RASGRP3: variants seen among roughly 807,000 people sequenced by gnomAD.
RASGRP3 encodes RAS guanyl releasing protein 3.
Under a neutral mutation model 82.7 loss-of-function variants are expected in RASGRP3, and 54 were observed. The observed-to-expected ratio is 0.65, with a 90% confidence interval of 0.52 to 0.82. The LOEUF (loss-of-function observed/expected upper bound fraction) is 0.82, where lower values mean the gene tolerates loss of function less well. Among genes scored for constraint, RASGRP3 ranks in the 40% least tolerant of loss-of-function variants. The pLI, the probability that RASGRP3 is intolerant of heterozygous loss-of-function variation, is 0.00. For synonymous variants in RASGRP3, 309 were observed against 300.5 expected, an observed-to-expected ratio of 1.03 and a Z score of -0.29; for missense variants, 861 against 828.9, an observed-to-expected ratio of 1.04 and a Z score of -0.48.
rs543012503 is a variant in RASGRP3 at position 33,527,589 on chromosome 2, AC to A, written c.1083+179del. On this transcript the variant is annotated intron_variant, in intron 10 of 17. Transcript: ENST00000403687. ...GGAGCCCTGATTAATATTTTCCATA[AC>A]CAGCAAATCTTGGGGCAAAGAAATC... is the stretch of plus-strand genomic sequence containing the variant. Among the ~76,000 whole-genome samples, 139 of 152,326 alleles carry A rather than the reference AC, an allele frequency of 9.1e-4. 1 individual carries two copies. The highest frequency in any genetic ancestry group is 3.1e-3 in the African/African-American group (129 of 41,572).
At chr2:33,458,774 A>G (rs1558401862) in intron 2 of RASGRP3, among the ~76,000 whole-genome samples, 1 of 152,142 alleles carries the variant, frequency 6.6e-6, no homozygotes, top group Non-Finnish European at 1.5e-5. Context: ...TTTTAGTCCA[A>G]CCTTAACATT....
chr2:33,543,607 C>G lies in RASGRP3; in HGVS notation c.1374C>G (p.Phe458Leu). 1 of 1,601,660 alleles carries G rather than the reference C, an allele frequency of 6.2e-7. No homozygotes were observed. ...IAANFPFLDS[F>L]CVLDKDQDGL... ...CCAATTTTCCCTTCTTGGATTCCTT[C>G]TGTGTTCTGGACAAAGATCAGTAAG... is the stretch of plus-strand genomic sequence containing the variant. The change falls in exon 13 of 18, where the codon TTC (phenylalanine) becomes TTG (leucine). Residue 458 changes from phenylalanine (F) to leucine (L), a missense_variant. Physicochemically the swap from Phe to Leu is conservative, Grantham distance 22. Transcript: ENST00000403687.
chr2:33,468,481 A>G (rs1202610568), intron 2 of RASGRP3, among the ~76,000 whole-genome samples: 1 of 151,786 alleles, frequency 6.6e-6, no homozygotes, highest in Admixed American at 6.6e-5. Context: ...GGCTCACTGC[A>G]ACCTCTGCTT....
At chr2:33,539,748 T>C (rs1303168782) in intron 12 of RASGRP3, 1 of 152,368 alleles carries the variant, frequency 6.6e-6, no homozygotes, top group Non-Finnish European at 1.5e-5. Flanking sequence ...ACGCCTGTAA[T>C]CCCAGCACTT....
Position 33,558,982 on chromosome 2 carries a change from G to A in RASGRP3, c.2016G>A (p.Glu672=). ...AGVDVVDRGT[E]FELDQDEGEE... ...TGGATGTTGTAGACCGGGGCACGGA[G>A]TTTGAACTTGACCAGGATGAAGGAG... is the stretch of plus-strand genomic sequence containing the variant. Residue 672 remains glutamate, a synonymous_variant, in exon 17 of 18, where the codon GAG becomes GAA. Transcript: ENST00000403687. 6.2e-7 allele frequency: 1 copy of A among 1,613,768 alleles called. No individual in the cohort carries two copies. The highest frequency in any genetic ancestry group is 8.5e-7 in the Non-Finnish European group (1 of 1,179,824).
chr2:33,442,256 C>T lies in RASGRP3; in HGVS notation c.-384-5564C>T, dbSNP rs184632069. Among the ~76,000 whole-genome samples the T allele has an allele frequency of 1.6e-4, 24 of 152,276 alleles. No individual in the cohort carries two copies. The East Asian group carries it at 4.6e-3, about 29-fold the overall frequency. On this transcript the variant is annotated intron_variant, in intron 1 of 18. Coordinates refer to the RASGRP3 transcript ENST00000402538. ...GCATGCGCCTGTAGTCCCAGCTACT[C>T]AGGAGGCTAAGCCAGGAGAATTGCT...
intron 14 of RASGRP3, among the ~76,000 whole-genome samples, chr2:33,553,716 G>A (rs771039877): frequency 2.0e-5 from 3 of 151,996 alleles, no homozygotes; most frequent in Non-Finnish European, 2.9e-5. Flanking sequence ...ATACTGCTCT[G>A]TCCTAGGAGA....
intron 2 of RASGRP3, among the ~76,000 whole-genome samples, chr2:33,461,436 C>T (rs375745246): frequency 1.4e-4 from 21 of 152,190 alleles, no homozygotes; most frequent in Non-Finnish European, 1.8e-4. Flanking sequence ...CGTCACGACA[C>T]TCAGCTAATT....
chr2:33,546,790 A>G (rs1018772298), intron 13 of RASGRP3, among the ~76,000 whole-genome samples: 2 of 152,046 alleles, frequency 1.3e-5, no homozygotes, highest in Non-Finnish European at 2.9e-5. Flanking sequence ...CGAGATTGCC[A>G]GGCACGGTGG....
chr2:33,515,675 A>G (rs1170249476), intron 3 of RASGRP3, among the ~76,000 whole-genome samples: 3 of 152,332 alleles, frequency 2.0e-5, no homozygotes, highest in East Asian at 3.9e-4. Context: ...GAGTAGCACA[A>G]TTGACTACAT....
At chr2:33,558,371 C>G in intron 16 of RASGRP3, 35 bp downstream of exon 16, 1 of 1,611,926 alleles carries the variant, frequency 6.2e-7, no homozygotes. Flanking sequence ...GCCATGGTCT[C>G]TTTCTGCTTG....
chr2:33,506,251 C>G (rs1670364365), intron 1 of RASGRP3, among the ~76,000 whole-genome samples: 1 of 152,176 alleles, frequency 6.6e-6, no homozygotes, highest in Non-Finnish European at 1.5e-5. Flanking sequence ...AACCTTTGTT[C>G]TGGACAATGT....
intron 11 of RASGRP3, 32 bp from the exon 12 acceptor site, chr2:33,539,062 G>T (rs1491004099): frequency 3.5e-6 from 5 of 1,427,984 alleles, no homozygotes; most frequent in Non-Finnish European, 2.9e-6. Flanking sequence ...TAATAAAGTT[G>T]AAAAATATGT....
At chr2:33,436,837 A>T (rs991261681) in intron 1 of RASGRP3, among the ~76,000 whole-genome samples, 2 of 152,164 alleles carry the variant, frequency 1.3e-5, no homozygotes, top group Admixed American at 1.3e-4. Context: ...CAGTTTCATT[A>T]TTATCAGGGG....
chr2:33,536,030 C>T (rs983853497), intron 11 of RASGRP3, among the ~76,000 whole-genome samples: 1 of 152,070 alleles, frequency 6.6e-6, no homozygotes, highest in Non-Finnish European at 1.5e-5. Flanking sequence ...GGGCCAGGCA[C>T]AGTGGCTCAC....
In RASGRP3 at chr2:33,561,968, C is replaced by T. The variant is rs544800963; in HGVS notation, c.2065-761C>T. ...CTTCTACTAAATTAAATTTAGTCAA[C>T]AAATACTTATCATAAAAGGGTTGGG... On this transcript the variant is annotated intron_variant, in intron 17 of 17. Transcript: ENST00000403687. Among the ~76,000 whole-genome samples, 323 of 152,130 alleles carry T rather than the reference C, an allele frequency of 2.1e-3. 2 individuals carry two copies. The highest frequency in any genetic ancestry group is 0.015 in the South Asian group (72 of 4,812).
chr2:33,485,259 C>A (rs926050516), intron 1 of RASGRP3, among the ~76,000 whole-genome samples: 2 of 152,194 alleles, frequency 1.3e-5, no homozygotes, highest in African/African-American at 2.4e-5. Context: ...ATTCTGCTGT[C>A]CTTGTCATGC....
intron 8 of RASGRP3, 110 bp downstream of exon 8, chr2:33,524,162 A>G: frequency 7.9e-7 from 1 of 1,261,016 alleles, no homozygotes; most frequent in Non-Finnish European, 1.1e-6. Flanking sequence ...TCGGACAACT[A>G]AACTACTCGC....
chr2:33,445,431 A>T (rs987362368), intron 1 of RASGRP3, among the ~76,000 whole-genome samples: 1 of 152,248 alleles, frequency 6.6e-6, no homozygotes, highest in African/African-American at 2.4e-5. Context: ...TTAAAGACAT[A>T]TATAAATAAT....
Sources: allele counts gnomAD v4.1 joint callset (sites outside exome capture counted in the v4.1 genomes callset), GRCh38; gene constraint gnomAD v4.1.1; transcripts MANE v1.5; gene names NCBI Gene and HGNC (gene_info 2026-07-23, HGNC 2026-07-21).